Variants in TMEM130 observed in about 807,000 individuals in gnomAD.
TMEM130 encodes the protein transmembrane protein 130.
Under a neutral mutation model 42.9 loss-of-function variants are expected in TMEM130, and 37 were observed. The ratio of observed to expected loss-of-function variants is 0.86; its 90% CI spans 0.66 to 1.13. The LOEUF is 1.13. Among genes scored for constraint, TMEM130 ranks in the 50% most tolerant of loss-of-function variants. TMEM130 has a pLI of 0.00. For missense variants in TMEM130, 545 were observed against 562.6 expected, an observed-to-expected ratio of 0.97 and a Z score of 0.32; for synonymous variants, 259 against 237.7, an observed-to-expected ratio of 1.09 and a Z score of -0.82.
chr7:98,856,870 T>A (rs2116094110), intron 3 of TMEM130, among the ~76,000 whole-genome samples: 1 of 152,298 alleles, frequency 6.6e-6, no homozygotes, highest in African/African-American at 2.4e-5. Context: ...AATTGTCTGC[T>A]TTCCAATATT....
Position 98,855,342 on chromosome 7 carries a change from C to T in TMEM130, c.719-18G>A, listed in dbSNP as rs781979030. On this transcript the variant is annotated intron_variant, in intron 4 of 7. Coordinates refer to ENST00000339375, the MANE Select transcript of TMEM130 (RefSeq NM_152913.3). ...AAGGGTTTCTGTAAGGCAGAGAGAA[C>T]CCCGTTAGACCTGGTGGCTAAGGAT... is the stretch of plus-strand genomic sequence containing the variant. The T allele has an allele frequency of 1.9e-6, 3 of 1,602,154 alleles. No individual in the cohort carries two copies. The highest frequency in any genetic ancestry group is 3.4e-5 in the Admixed American group (2 of 58,476).
chr7:98,857,419 G>T (rs1794657276), intron 3 of TMEM130, among the ~76,000 whole-genome samples: 1 of 152,112 alleles, frequency 6.6e-6, no homozygotes, highest in Admixed American at 6.6e-5. Context: ...TCCACGTTTT[G>T]CCAGGCACGA....
chr7:98,861,058 G>A (rs1208547452), intron 2 of TMEM130, among the ~76,000 whole-genome samples: 4 of 151,838 alleles, frequency 2.6e-5, no homozygotes, highest in Admixed American at 6.6e-5. Context: ...CCAATGACCA[G>A]GCACGGTGGC....
At chr7:98,862,333 T>C (rs1291801006) in intron 2 of TMEM130, among the ~76,000 whole-genome samples, 1 of 142,950 alleles carries the variant, frequency 7.0e-6, no homozygotes, top group African/African-American at 2.6e-5. Flanking sequence ...AAGAGCAAGA[T>C]AGAAAGGGAA....
At chr7:98,854,897 A>G (rs1794591994) in intron 5 of TMEM130, among the ~76,000 whole-genome samples, 1 of 152,136 alleles carries the variant, frequency 6.6e-6, no homozygotes, top group Non-Finnish European at 1.5e-5. Flanking sequence ...TTAGCCGGGC[A>G]TCGTGGAGTG....
intron 4 of TMEM130, 53 bp downstream of exon 4, chr7:98,855,964 C>G: frequency 6.3e-7 from 1 of 1,587,696 alleles, no homozygotes; most frequent in South Asian, 1.2e-5. Flanking sequence ...TCTGTGCGTA[C>G]GGTGACCCCA....
intron 1 of TMEM130, among the ~76,000 whole-genome samples, chr7:98,864,932 T>A (rs890702506): frequency 6.6e-6 from 1 of 152,076 alleles, no homozygotes; most frequent in Non-Finnish European, 1.5e-5. Flanking sequence ...ATAAAAACAC[T>A]TCCCTGTACC....
chr7:98,867,991 G>A (rs556614764), intron 1 of TMEM130, among the ~76,000 whole-genome samples: 42 of 152,360 alleles, frequency 2.8e-4, no homozygotes, highest in Admixed American at 1.0e-3. Context: ...CACTTTGGGA[G>A]GCTGAGACAG....
chr7:98,863,815 CTTTT>C (rs1364163067), intron 1 of TMEM130, among the ~76,000 whole-genome samples: 1 of 147,432 alleles, frequency 6.8e-6, no homozygotes, highest in Non-Finnish European at 1.5e-5. Flanking sequence ...TCTCTTCTTT[CTTTT>C]TTTCTCCCTT....
Position 98,856,134 on chromosome 7 carries a change from T to A in TMEM130, c.601A>T (p.Ile201Phe), listed in dbSNP as rs782813399. Residue 201 changes from isoleucine to phenylalanine, a missense_variant, in exon 4 of 8, where the codon ATC becomes TTC. Coordinates refer to ENST00000339375, the MANE Select transcript of TMEM130 (RefSeq NM_152913.3). ...DSVVYYNYSI[I>F]GTFTVKLKVV... ...TTGAGCTTCACGGTGAAGGTCCCGA[T>A]GATGGAATAGTTATAATAGACCACG... 1 of 1,613,924 alleles carries A rather than the reference T, an allele frequency of 6.2e-7. No homozygotes were observed.
rs530875128 is a variant in TMEM130 at position 98,869,502 on chromosome 7, C to T, written c.85+275G>A. 73 of 736,274 alleles carry T rather than the reference C, an allele frequency of 9.9e-5. No homozygotes were observed. The African/African-American group carries it at 1.3e-3, about 13-fold the overall frequency. The allele number at this position is 736,274 out of a possible 1,614,324, so 45.6% of individuals were successfully genotyped here. A position where few individuals can be genotyped will look rare whatever the true frequency, so the allele number is the denominator to read the frequency against. On this transcript the variant is annotated intron_variant, in intron 1 of 7. Coordinates refer to ENST00000339375, the MANE Select transcript of TMEM130 (RefSeq NM_152913.3). The surrounding 1 kb of genome is among the most constrained non-coding windows in gnomAD (Gnocchi z 4.7). The stretch of plus-strand genomic sequence containing the variant: ...CATCGACGGATGCGCCGGCCACCCC[C>T]GCGCGGTTTCCAGGGCAGGGCCAGC...
chr7:98,849,373 T>G, intron 6 of TMEM130, among the ~76,000 whole-genome samples: 1 of 152,078 alleles, frequency 6.6e-6, no homozygotes, highest in East Asian at 1.9e-4. Context: ...TCAGGAAGTG[T>G]GGGTTCCCTC....
At chr7:98,850,268 TA>T (rs1270943381) in intron 6 of TMEM130, among the ~76,000 whole-genome samples, 3,645 of 58,770 alleles carry the variant, frequency 0.062, 149 homozygotes, top group African/African-American at 0.12. Flanking sequence ...TATATATATA[TA>T]TATATTTTTT....
rs192082542 is a variant in TMEM130 at position 98,855,879 on chromosome 7, T to A, written c.718+138A>T. Reference sequence around the variant, plus strand: ...CTGCAGCGCTCTGTCTGAAGCAGGGTTAATGATAGACGCTCCTCAGAGGTC... The same window carrying A: ...CTGCAGCGCTCTGTCTGAAGCAGGGATAATGATAGACGCTCCTCAGAGGTC... On this transcript the variant is annotated intron_variant, in intron 4 of 7. Coordinates refer to ENST00000339375, the MANE Select transcript of TMEM130 (RefSeq NM_152913.3). The A allele has an allele frequency of 4.9e-3, 4,990 of 1,025,318 alleles. 10 individuals carry two copies. Among genetic ancestry groups the A allele is most frequent in the Non-Finnish European group, 6.0e-3 (4,361 of 722,288 alleles). 63.5% of individuals were successfully genotyped at this position (1,025,318 alleles called of 1,614,324 possible).
At chr7:98,868,701 T>G (rs1477802452) in intron 1 of TMEM130, among the ~76,000 whole-genome samples, 1 of 152,212 alleles carries the variant, frequency 6.6e-6, no homozygotes, top group East Asian at 1.9e-4. Context: ...ACATCAAGGG[T>G]GCAATTGGCT....
In TMEM130 at chr7:98,848,667, T is replaced by A; in HGVS notation, c.1035A>T (p.Pro345=). 1 of 1,613,868 alleles carries A rather than the reference T, an allele frequency of 6.2e-7. No individual in the cohort carries two copies. Among genetic ancestry groups the A allele is most frequent in the Non-Finnish European group, 8.5e-7 (1 of 1,179,898 alleles). The change falls in exon 7 of 8, where the codon CCA becomes CCT. Residue 345 remains proline (P), a synonymous_variant. Coordinates refer to ENST00000339375, the MANE Select transcript of TMEM130 (RefSeq NM_152913.3). ...SRIQPAVFAF[P]CATLITVMLA... Reference sequence around the variant, plus strand: ...ACATCACAGTGATAAGTGTAGCACATGGGAAAGCAAAGACAGCCGGCTGGA... The same window carrying A: ...ACATCACAGTGATAAGTGTAGCACAAGGGAAAGCAAAGACAGCCGGCTGGA...
At chr7:98,851,396 G>C (rs1554398191) in intron 6 of TMEM130, 25 bp downstream of exon 6, 1 of 1,611,990 alleles carries the variant, frequency 6.2e-7, no homozygotes, top group Admixed American at 1.7e-5. Context: ...TGTGGCACTG[G>C]AGCAGAAGGC....
At chr7:98,867,286 C>T (rs1227029602) in intron 1 of TMEM130, among the ~76,000 whole-genome samples, 1 of 152,022 alleles carries the variant, frequency 6.6e-6, no homozygotes, top group Non-Finnish European at 1.5e-5. Flanking sequence ...ACCTGAAGCC[C>T]GCATGGGTCA....
In TMEM130 at chr7:98,857,946, T is replaced by C. The variant is rs958759026; in HGVS notation, c.552-1763A>G. On this transcript the variant is annotated intron_variant, in intron 3 of 7. Coordinates refer to ENST00000339375, the MANE Select transcript of TMEM130 (RefSeq NM_152913.3). ...TAGTACAGACGGGGTTTTGCCATTT[T>C]GGCCAGGCTGGTCTCAAACTCCTGA... 2.6e-5 allele frequency among the ~76,000 whole-genome samples: 4 copies of C among 152,102 alleles called. No homozygotes were observed. In the East Asian group the frequency reaches 7.9e-4, roughly 30 times the overall value.
Sources: allele counts gnomAD v4.1 joint callset (sites outside exome capture counted in the v4.1 genomes callset), GRCh38; gene constraint gnomAD v4.1.1; non-coding constraint Gnocchi (gnomAD v3.1); transcripts MANE v1.5; gene names NCBI Gene and HGNC (gene_info 2026-07-23, HGNC 2026-07-21).